Variants in ATXN1 observed in about 807,000 individuals in gnomAD.
The protein encoded by ATXN1 is ataxin-1.
In ATXN1, 8 loss-of-function variants were observed where a neutral mutation model predicts 56.4. The ratio of observed to expected loss-of-function variants is 0.14; its 90% CI spans 0.08 to 0.26. The LOEUF is 0.26. Among genes scored for constraint, ATXN1 ranks in the 10% least tolerant of loss-of-function variants. ATXN1 has a pLI of 1.00. For missense variants in ATXN1, 987 were observed against 1,106.5 expected (o/e 0.89, Z 1.53); for synonymous variants, 514 against 494.6 (o/e 1.04, Z -0.52).
At chr6:16,638,445 C>CAAA (rs11310261) in intron 3 of ATXN1, among the ~76,000 whole-genome samples, 14 of 92,568 alleles carry the variant, frequency 1.5e-4, no homozygotes, top group African/African-American at 2.9e-4. Context: ...GACGCTGCCT[C>CAAA]AAAAAAAAAA....
chr6:16,577,369 C>T (rs553390510), intron 4 of ATXN1, among the ~76,000 whole-genome samples: 1 of 151,946 alleles, frequency 6.6e-6, no homozygotes, highest in Admixed American at 6.5e-5. Context: ...ACTAAAAATA[C>T]AAAAATTAGC....
intron 3 of ATXN1, among the ~76,000 whole-genome samples, chr6:16,619,739 T>C (rs1490036184): frequency 6.6e-6 from 1 of 152,126 alleles, no homozygotes; most frequent in Admixed American, 6.5e-5. Context: ...GTCAGACTGC[T>C]TGGATTCAAA....
At chr6:16,628,456 T>C (rs1311025000) in intron 3 of ATXN1, among the ~76,000 whole-genome samples, 2 of 152,224 alleles carry the variant, frequency 1.3e-5, no homozygotes, top group African/African-American at 4.8e-5. Context: ...GTCTTTAAAA[T>C]AACCTATTTC....
chr6:16,550,155 C>CAAAAAAAAAAAAAAAAAAAAA (rs70999336), intron 4 of ATXN1, among the ~76,000 whole-genome samples: 1 of 91,194 alleles, frequency 1.1e-5, no homozygotes, highest in Non-Finnish European at 2.3e-5. Flanking sequence ...AAATAAAATA[C>CAAAAAAAAAAAAAAAAAAAAA]AAAAAAAAAA....
In ATXN1 at chr6:16,760,845, G is replaced by A. The variant is rs1280363293; in HGVS notation, c.-730+453C>T. On this transcript the variant is annotated intron_variant, in intron 1 of 7. Coordinates refer to ENST00000436367, the MANE Select transcript of ATXN1 (RefSeq NM_001128164.2). The surrounding 1 kb of genome is among the most constrained non-coding windows in gnomAD (Gnocchi z 5.3). ...CCGCCTCCCCCCTGCGCCACCCGGA[G>A]GGAGGAGGACATGGCTCTCCGCACT... 6.6e-6 allele frequency among the ~76,000 whole-genome samples: 1 copy of A among 150,604 alleles called. No individual in the cohort carries two copies. The highest frequency in any genetic ancestry group is 1.5e-5 in the Non-Finnish European group (1 of 67,436).
chr6:16,347,113 A>G (rs1761426380), intron 6 of ATXN1, among the ~76,000 whole-genome samples: 1 of 151,498 alleles, frequency 6.6e-6, no homozygotes, highest in African/African-American at 2.4e-5. Flanking sequence ...CCATGCCTGA[A>G]CCTCCCCCTG....
chr6:16,407,478 T>G (rs1423719309), intron 6 of ATXN1, among the ~76,000 whole-genome samples: 2 of 152,232 alleles, frequency 1.3e-5, no homozygotes, highest in African/African-American at 4.8e-5. Flanking sequence ...TGAAACATGC[T>G]CCTCAAAAGT....
intron 2 of ATXN1, among the ~76,000 whole-genome samples, chr6:16,664,606 TC>T (rs1324898954): frequency 2.0e-5 from 3 of 152,076 alleles, no homozygotes; most frequent in Non-Finnish European, 2.9e-5. Flanking sequence ...AAAGCACTCA[TC>T]TAGGCCCAAA....
At chr6:16,319,071 AGCTGG>A (rs563315555) in intron 7 of ATXN1, among the ~76,000 whole-genome samples, 2 of 152,082 alleles carry the variant, frequency 1.3e-5, no homozygotes, top group Non-Finnish European at 2.9e-5. Flanking sequence ...TAGAAAAATT[AGCTGG>A]GCGTGGTGGT....
At chr6:16,431,890 G>A (rs576295570) in intron 6 of ATXN1, among the ~76,000 whole-genome samples, 11 of 152,282 alleles carry the variant, frequency 7.2e-5, no homozygotes, top group African/African-American at 2.6e-4. Flanking sequence ...ACAGGATGGG[G>A]GCAAAAGCAG....
At chr6:16,728,103 G>C (rs879814798) in intron 2 of ATXN1, among the ~76,000 whole-genome samples, 28 of 152,218 alleles carry the variant, frequency 1.8e-4, no homozygotes, top group Admixed American at 4.6e-4. Flanking sequence ...GAAAGGGCTG[G>C]AGAAGAGAGC....
rs750915581 is a variant in ATXN1 at position 16,346,727 on chromosome 6, C to T, written c.-160-18257G>A. ...GAGAGGTGACAGCATACTGGCAGCC[C>T]TCACAGCCCTCACTTGCTCTCTGCG... On this transcript the variant is annotated intron_variant, in intron 6 of 7. Coordinates refer to ENST00000436367, the MANE Select transcript of ATXN1 (RefSeq NM_001128164.2). Among the ~76,000 whole-genome samples the T allele has an allele frequency of 1.0e-3, 148 of 143,744 alleles. 1 individual carries two copies. In the Middle Eastern group the frequency reaches 0.014, roughly 13 times the overall value. The allele number at this position is 143,744 out of a possible 152,430, so 94.3% of individuals were successfully genotyped here.
intron 6 of ATXN1, among the ~76,000 whole-genome samples, chr6:16,431,322 C>T (rs1384384438): frequency 6.6e-6 from 1 of 152,090 alleles, no homozygotes; most frequent in Admixed American, 6.6e-5. Flanking sequence ...GGGATGTCTG[C>T]CAAGGACTTC....
At chr6:16,685,248 G>A (rs1015832691) in intron 2 of ATXN1, among the ~76,000 whole-genome samples, 4 of 152,222 alleles carry the variant, frequency 2.6e-5, no homozygotes, top group Admixed American at 2.6e-4. Context: ...TGATCATAAA[G>A]CAATAAAACT....
intron 3 of ATXN1, among the ~76,000 whole-genome samples, chr6:16,619,013 A>T (rs888879846): frequency 8.5e-5 from 13 of 152,150 alleles, no homozygotes; most frequent in Non-Finnish European, 1.6e-4. Context: ...GAAATGTAAA[A>T]AACAGAGAAA....
intron 5 of ATXN1, among the ~76,000 whole-genome samples, chr6:16,505,832 T>G (rs1294678437): frequency 2.0e-5 from 3 of 152,188 alleles, no homozygotes; most frequent in Non-Finnish European, 4.4e-5. Flanking sequence ...TTTAAACACT[T>G]AAGTAATTTT....
intron 6 of ATXN1, among the ~76,000 whole-genome samples, chr6:16,350,372 C>A (rs2113458854): frequency 6.6e-6 from 1 of 152,338 alleles, no homozygotes; most frequent in Non-Finnish European, 1.5e-5. Flanking sequence ...GAACTTCAGT[C>A]TCAGCTCAAG....
At chr6:16,330,511 T>C (rs1410161122) in intron 6 of ATXN1, among the ~76,000 whole-genome samples, 1 of 148,954 alleles carries the variant, frequency 6.7e-6, no homozygotes, top group Non-Finnish European at 1.5e-5. Context: ...CACCTCAGCC[T>C]CCCAGGTAGC....
At chr6:16,536,263 C>CT (rs1175286464) in intron 4 of ATXN1, among the ~76,000 whole-genome samples, 2 of 151,814 alleles carry the variant, frequency 1.3e-5, no homozygotes, top group Non-Finnish European at 2.9e-5. Flanking sequence ...TAAAATTTAC[C>CT]TAAAAGCAAG....
Sources: allele counts gnomAD v4.1 joint callset (sites outside exome capture counted in the v4.1 genomes callset), GRCh38; gene constraint gnomAD v4.1.1; non-coding constraint Gnocchi (gnomAD v3.1); transcripts MANE v1.5; gene names NCBI Gene and HGNC (gene_info 2026-07-23, HGNC 2026-07-21).